The following ZNF680 variants were observed in gnomAD, a reference collection of about 807,000 sequenced individuals.
ZNF680 encodes hypothetical protein FLJ90430.
A neutral mutation model predicts 12.1 loss-of-function variants in ZNF680; 6 were observed. The observed-to-expected ratio is 0.49, with a 90% CI of 0.27 to 0.98. The LOEUF (loss-of-function observed/expected upper bound fraction) is 0.98. ZNF680 is among the 50% of genes least tolerant of loss of function. The pLI is 0.12. For synonymous variants in ZNF680, 170 were observed against 199.3 expected (o/e 0.85, Z 1.24); for missense variants, 561 against 616.3 (o/e 0.91, Z 0.95).
At chr7:64,536,479 G>A (rs938159270) in intron 3 of ZNF680, among the ~76,000 whole-genome samples, 2 of 152,122 alleles carry the variant, frequency 1.3e-5, no homozygotes, top group African/African-American at 4.8e-5. Context: ...TTTTAATGAA[G>A]CAGCTTTCAT....
the ZNF680 span, among the ~76,000 whole-genome samples, chr7:64,508,528 G>A: frequency 6.6e-6 from 1 of 152,092 alleles, no homozygotes; most frequent in Non-Finnish European, 1.5e-5. Flanking sequence ...CTCGCTACGT[G>A]ACTAAAAATG....
chr7:64,544,350 T>C lies in ZNF680; in HGVS notation c.113A>G (p.Tyr38Cys). 1 of 1,605,398 alleles carries C rather than the reference T, an allele frequency of 6.2e-7. No homozygotes were observed. The highest frequency in any genetic ancestry group is 1.3e-5 in the African/African-American group (1 of 74,834). The change falls in exon 2 of 4, where the codon TAT becomes TGT. Residue 38 changes from tyrosine to cysteine, a missense_variant. Physicochemically the swap from Tyr to Cys is radical, Grantham distance 194 (BLOSUM62 -2). Coordinates refer to ENST00000309683, the MANE Select transcript of ZNF680 (RefSeq NM_178558.5). ...GTAGTTCTCAAACATCACTTTCCTA[T>C]ATAAATTCCGTTGTGCAGTGTCCAG... ...QCLDTAQRNLYRKVMFENYRN... is the reference protein window; with the variant it reads ...QCLDTAQRNLCRKVMFENYRN...
chr7:64,544,430 T>C lies in ZNF680; in HGVS notation c.33A>G (p.Gly11=), dbSNP rs748440616. 2 of 1,584,136 alleles carry C rather than the reference T, an allele frequency of 1.3e-6. No homozygotes were observed. Among genetic ancestry groups the C allele is most frequent in the Non-Finnish European group, 1.7e-6 (2 of 1,168,090 alleles). The change falls in exon 2 of 4, where the codon GGA becomes GGG. Residue 11 remains glycine (G), a splice_region_variant and synonymous_variant. Coordinates refer to ENST00000309683, the MANE Select transcript of ZNF680 (RefSeq NM_178558.5). MPGPPGSLEM[G]PLTFRDVAIE... ...TGGCCACATCCCTAAATGTCAGTGG[T>C]CCCTGAAAAACACACACACACACAC...
the ZNF680 span, among the ~76,000 whole-genome samples, chr7:64,511,698 A>G: frequency 4.6e-5 from 7 of 152,186 alleles, no homozygotes; most frequent in Middle Eastern, 3.4e-3. Context: ...GCAAACTAGG[A>G]AAAAAATGGT....
the ZNF680 span, among the ~76,000 whole-genome samples, chr7:64,510,934 AAT>A: frequency 2.2e-5 from 1 of 46,078 alleles, no homozygotes; most frequent in East Asian, 1.3e-3. Flanking sequence ...AAAAATAAAA[AAT>A]AAAAATAAAA....
At chr7:64,533,360 T>C (rs181847237) in intron 3 of ZNF680, among the ~76,000 whole-genome samples, 3 of 152,182 alleles carry the variant, frequency 2.0e-5, no homozygotes, top group African/African-American at 4.8e-5. Flanking sequence ...GTAGCTCTTC[T>C]ATACACCAAC....
intron 1 of ZNF680, among the ~76,000 whole-genome samples, chr7:64,546,071 A>C (rs1786770169): frequency 6.6e-6 from 1 of 152,196 alleles, no homozygotes; most frequent in Non-Finnish European, 1.5e-5. Context: ...TATTATAATG[A>C]ATTTTTAAAG....
At chr7:64,537,417 C>A (rs1786225652) in intron 3 of ZNF680, among the ~76,000 whole-genome samples, 1 of 151,888 alleles carries the variant, frequency 6.6e-6, no homozygotes, top group Non-Finnish European at 1.5e-5. Context: ...GTCAATATAA[C>A]CTAAAGTGGT....
intron 1 of ZNF680, among the ~76,000 whole-genome samples, chr7:64,559,931 A>G (rs1397884115): frequency 6.6e-6 from 1 of 152,196 alleles, no homozygotes; most frequent in Non-Finnish European, 1.5e-5. Flanking sequence ...TCTAGGAGGT[A>G]CCAAGTTTCA....
chr7:64,533,950 T>C (rs953969078), intron 3 of ZNF680, among the ~76,000 whole-genome samples: 8 of 152,028 alleles, frequency 5.3e-5, no homozygotes, highest in Non-Finnish European at 8.8e-5. Context: ...GCTGGGAAAA[T>C]TGGCTAGCCA....
chr7:64,520,368 C>T lies in ZNF680; in HGVS notation c.*793G>A, dbSNP rs1791464082. ...GTATACTTTCAATGTAATTATAACT[C>T]TCCAAAGAATCTTCTACTCCTTTTA... On this transcript the variant is annotated 3_prime_UTR_variant, in exon 4 of 4. Transcript: ENST00000309683. The T allele has an allele frequency of 6.6e-6, 1 of 151,734 alleles. No homozygotes were observed. Among genetic ancestry groups the T allele is most frequent in the Non-Finnish European group, 1.5e-5 (1 of 67,726 alleles). The allele number at this position is 151,734 out of a possible 1,614,324, so 9.4% of individuals were successfully genotyped here.
At chr7:64,542,634 A>G (rs914020059) in intron 3 of ZNF680, among the ~76,000 whole-genome samples, 1 of 152,204 alleles carries the variant, frequency 6.6e-6, no homozygotes, top group African/African-American at 2.4e-5. Context: ...ATTTCTGAGA[A>G]CAAATTTAAA....
At chr7:64,534,024 T>C (rs1786027478) in intron 3 of ZNF680, among the ~76,000 whole-genome samples, 3 of 152,120 alleles carry the variant, frequency 2.0e-5, no homozygotes, top group African/African-American at 7.2e-5. Context: ...TCAAGATAGA[T>C]TAAGGACTTA....
the ZNF680 span, among the ~76,000 whole-genome samples, chr7:64,506,127 G>A: frequency 6.6e-6 from 1 of 151,904 alleles, no homozygotes; most frequent in East Asian, 1.9e-4. Flanking sequence ...AACAGGCTTG[G>A]AATCTTGAGG....
Position 64,522,230 on chromosome 7 carries a change from C to A in ZNF680, c.524G>T (p.Arg175Ile), listed in dbSNP as rs1584346940. 1 of 1,612,558 alleles carries A rather than the reference C, an allele frequency of 6.2e-7. No individual in the cohort carries two copies. Among genetic ancestry groups the A allele is most frequent in the African/African-American group, 1.3e-5 (1 of 75,008 alleles). ...KFSNSNSHKKRNTGKKVFKCK... is the reference protein window; with the variant it reads ...KFSNSNSHKKINTGKKVFKCK... Reference sequence around the variant, plus strand: ...TTTGAAAACCTTCTTTCCAGTATTTCTTTTCTTATGACTGTTTGAATTTGA... The same window carrying A: ...TTTGAAAACCTTCTTTCCAGTATTTATTTTCTTATGACTGTTTGAATTTGA... The change falls in exon 4 of 4, where the codon AGA becomes ATA. Residue 175 changes from arginine to isoleucine, a missense_variant. By Grantham distance (97) the Arg-to-Ile change is moderately conservative. Transcript: ENST00000309683.
At chr7:64,511,440 C>G in the ZNF680 span, among the ~76,000 whole-genome samples, 19 of 152,200 alleles carry the variant, frequency 1.2e-4, no homozygotes, top group South Asian at 3.9e-3. Context: ...TCTGACTCAA[C>G]AGCAAGTGGG....
At chr7:64,538,509 T>C (rs1424113897) in intron 3 of ZNF680, among the ~76,000 whole-genome samples, 1 of 152,118 alleles carries the variant, frequency 6.6e-6, no homozygotes, top group African/African-American at 2.4e-5. Flanking sequence ...TTTGAAAGGA[T>C]ACACAAAATA....
chr7:64,513,924 G>A, the ZNF680 span, among the ~76,000 whole-genome samples: 273 of 152,174 alleles, frequency 1.8e-3, 2 homozygotes, highest in African/African-American at 5.9e-3. Context: ...GATTACAGGC[G>A]TGAGCCACCA....
At chr7:64,542,315 T>G (rs1786548069) in intron 3 of ZNF680, among the ~76,000 whole-genome samples, 1 of 152,184 alleles carries the variant, frequency 6.6e-6, no homozygotes. Flanking sequence ...AATGCAAAAC[T>G]ATATTGTACC....
Sources: gnomAD v4.1 joint callset for allele counts (sites outside exome capture counted in the v4.1 genomes callset) on GRCh38, gnomAD v4.1.1 for gene constraint, MANE v1.5 for transcripts, NCBI Gene and HGNC (gene_info 2026-07-23, HGNC 2026-07-21) for gene names.